The following TAC4 variants were observed in gnomAD, a reference collection of about 807,000 sequenced individuals.
The protein encoded by TAC4 is tachykinin precursor 4.
In TAC4, 17 loss-of-function variants were observed where a neutral mutation model predicts 17.7. That is an observed-to-expected ratio of 0.96 (90% confidence interval 0.66 to 1.44). TAC4 has a LOEUF of 1.44. Ranked by LOEUF, TAC4 falls within the 40% of genes most tolerant of loss-of-function variation. The pLI is 0.00. For synonymous variants in TAC4, 62 were observed against 52.4 expected, an observed-to-expected ratio of 1.18 and a Z score of -0.79; for missense variants, 118 against 125.6, an observed-to-expected ratio of 0.94 and a Z score of 0.29.
chr17:49,843,216 G>A (rs1365163715), intron 2 of TAC4, among the ~76,000 whole-genome samples: 2 of 152,176 alleles, frequency 1.3e-5, no homozygotes, highest in Non-Finnish European at 2.9e-5. Flanking sequence ...AAGCCAACAC[G>A]GAGCATTACC....
In TAC4 at chr17:49,839,345, C is replaced by T. The variant is rs139842094; in HGVS notation, c.292+505G>A. Reference sequence around the variant, plus strand: ...ACTTTCATGCCTGGTCCCCTGAAACCATTTGGGGACGTGGCCTCTGCTAGA... The same window carrying T: ...ACTTTCATGCCTGGTCCCCTGAAACTATTTGGGGACGTGGCCTCTGCTAGA... On this transcript the variant is annotated intron_variant, in intron 4 of 4. Transcript: ENST00000436235. Among the ~76,000 whole-genome samples the T allele has an allele frequency of 4.6e-3, 701 of 152,258 alleles. 4 individuals carry two copies. Among genetic ancestry groups the T allele is most frequent in the Middle Eastern group, 6.8e-3 (2 of 294 alleles).
intron 1 of TAC4, chr17:49,847,649 G>A (rs772448640): frequency 3.7e-5 from 17 of 463,252 alleles, no homozygotes; most frequent in Non-Finnish European, 5.5e-5. Flanking sequence ...GAGATATACC[G>A]TGTGTTAAAT....
intron 4 of TAC4, 28 bp from the exon 5 acceptor site, chr17:49,838,701 G>A (rs1598100382): frequency 1.2e-6 from 2 of 1,608,846 alleles, no homozygotes; most frequent in East Asian, 4.5e-5. Context: ...TATGAACCAT[G>A]GTTAGTCGGG....
chr17:49,841,614 G>A (rs759079225), intron 2 of TAC4, 30 bp from the exon 3 acceptor site: 13 of 1,536,234 alleles, frequency 8.5e-6, no homozygotes, highest in Admixed American at 2.1e-5. Flanking sequence ...TGAGGACTAC[G>A]GACTGCACTG....
intron 2 of TAC4, 141 bp downstream of exon 2, chr17:49,843,923 G>A (rs1348159176): frequency 4.2e-5 from 30 of 722,886 alleles, no homozygotes; most frequent in Non-Finnish European, 6.2e-5. Context: ...GACAGTCTGT[G>A]CCACCCCATC....
In TAC4 at chr17:49,838,634, G is replaced by A; in HGVS notation, c.*8C>T. 6.2e-7 allele frequency: 1 copy of A among 1,613,752 alleles called. No individual in the cohort carries two copies. Among genetic ancestry groups the A allele is most frequent in the Non-Finnish European group, 8.5e-7 (1 of 1,179,854 alleles). ...CCGTGTCCTCTGGGAAGTCTGTGGTGGGGGCTTTTACTCTGAACCTTGGGC... is the reference window on the plus strand; with the variant it reads ...CCGTGTCCTCTGGGAAGTCTGTGGTAGGGGCTTTTACTCTGAACCTTGGGC... On this transcript the variant is annotated 3_prime_UTR_variant, in exon 5 of 5. Transcript: ENST00000436235.
intron 2 of TAC4, among the ~76,000 whole-genome samples, chr17:49,842,936 G>C (rs1474250177): frequency 1.3e-5 from 2 of 152,136 alleles, no homozygotes; most frequent in African/African-American, 4.8e-5. Flanking sequence ...CTTTCTATGG[G>C]TCTGCCTCAT....
At chr17:49,841,244 CTTTTTTTTTTT>C (rs745671170) in intron 3 of TAC4, among the ~76,000 whole-genome samples, 1 of 110,362 alleles carries the variant, frequency 9.1e-6, no homozygotes, top group Non-Finnish European at 1.9e-5. Flanking sequence ...TAGTGGTTGA[CTTTTTTTTTTT>C]TTTTTTTTTT....
chr17:49,840,468 G>A (rs183138248), intron 3 of TAC4, among the ~76,000 whole-genome samples: 1 of 152,224 alleles, frequency 6.6e-6, no homozygotes, highest in East Asian at 1.9e-4. Flanking sequence ...TCCTGAGAGC[G>A]CTGAGGGAGT....
intron 1 of TAC4, chr17:49,847,138 G>A: frequency 7.8e-7 from 1 of 1,289,924 alleles, no homozygotes; most frequent in South Asian, 1.2e-5. Flanking sequence ...GCAAGCCAAG[G>A]CCACCCCAGT....
chr17:49,840,510 T>C (rs1205242832), intron 3 of TAC4, among the ~76,000 whole-genome samples: 3 of 152,076 alleles, frequency 2.0e-5, no homozygotes, highest in Admixed American at 1.3e-4. Context: ...TTTCTTTCTT[T>C]CTTTTTTTTT....
chr17:49,847,668 CTT>C (rs2074553096), intron 1 of TAC4: 1 of 502,024 alleles, frequency 2.0e-6, no homozygotes, highest in South Asian at 2.1e-5. Context: ...ATAAGTATTT[CTT>C]ACACACACAC....
chr17:49,838,655 T>C lies in TAC4; in HGVS notation c.311A>G (p.Gln104Arg). 2 of 1,613,544 alleles carry C rather than the reference T, an allele frequency of 1.2e-6. No homozygotes were observed. The highest frequency in any genetic ancestry group is 1.7e-6 in the Non-Finnish European group (2 of 1,179,756). Residue 104 changes from glutamine to arginine, a missense_variant, in exon 5 of 5, where the codon CAA becomes CGA. Coordinates refer to ENST00000436235, the MANE Select transcript of TAC4 (RefSeq NM_001077506.2). ...LFTEGREDEA[Q>R]GSE ...TGGTGGGGGCTTTTACTCTGAACCT[T>C]GGGCCTCATCCTCTCTGCCTGGGGA...
chr17:49,842,211 T>G (rs2144040851), intron 2 of TAC4, among the ~76,000 whole-genome samples: 1 of 152,106 alleles, frequency 6.6e-6, no homozygotes, highest in Non-Finnish European at 1.5e-5. Context: ...TCCCCCATCC[T>G]TCATGAGTTG....
At chr17:49,846,442 A>C (rs1007255938) in intron 1 of TAC4, among the ~76,000 whole-genome samples, 1 of 151,920 alleles carries the variant, frequency 6.6e-6, no homozygotes, top group East Asian at 1.9e-4. Context: ...ATGCCTGGCA[A>C]ATTTTGTTTA....
intron 1 of TAC4, 38 bp from the exon 2 acceptor site, chr17:49,844,195 T>G: frequency 6.2e-7 from 1 of 1,606,936 alleles, no homozygotes; most frequent in Non-Finnish European, 8.5e-7. Context: ...GTTGGGAGGT[T>G]GTCCAGCAGA....
In TAC4 at chr17:49,848,057, T is replaced by C. The variant is rs766654525; in HGVS notation, c.-40A>G. The C allele has an allele frequency of 4.3e-6, 7 of 1,610,630 alleles. No individual in the cohort carries two copies. The highest frequency in any genetic ancestry group is 5.1e-6 in the Non-Finnish European group (6 of 1,178,380). ...GTCCTGGAATCTCTGGGAGCCCCTC[T>C]CAGCTTGAAGATGCCTCCTGCAGGC... On this transcript the variant is annotated 5_prime_UTR_variant, in exon 1 of 5. Transcript: ENST00000436235.
rs1264806042 is a variant in TAC4, at chr17:49,839,923, A to C, written c.233-14T>G. ...CCAGCTGATATGCTGGTGGTGGGAG[A>C]GAGAAGTGGTAGAGGAGAGAGGCAG... On this transcript the variant is annotated splice_polypyrimidine_tract_variant and intron_variant, in intron 3 of 4. Transcript: ENST00000436235. The C allele has an allele frequency of 6.2e-7, 1 of 1,610,760 alleles. No homozygotes were observed. Among genetic ancestry groups the C allele is most frequent in the East Asian group, 2.2e-5 (1 of 44,778 alleles).
intron 3 of TAC4, 147 bp from the exon 4 acceptor site, chr17:49,840,056 G>A (rs2074485538): frequency 3.1e-6 from 2 of 654,254 alleles, no homozygotes; most frequent in East Asian, 2.8e-5. Flanking sequence ...CTGTCATCCC[G>A]AGAGGCGAGG....
Sources: allele counts gnomAD v4.1 joint callset (sites outside exome capture counted in the v4.1 genomes callset), GRCh38; gene constraint gnomAD v4.1.1; transcripts MANE v1.5; gene names NCBI Gene and HGNC (gene_info 2026-07-23, HGNC 2026-07-21).